The following CDIN1 variants were observed in gnomAD, a reference collection of about 807,000 sequenced individuals.
The protein encoded by CDIN1 is CDAN1 interacting nuclease 1.
In CDIN1, 33 loss-of-function variants were observed where a neutral mutation model predicts 45.3. The ratio of observed to expected loss-of-function variants is 0.73; its 90% CI spans 0.55 to 0.97. CDIN1 has a LOEUF of 0.97. Ranked by LOEUF, CDIN1 falls within the 50% of genes least tolerant of loss-of-function variation. The pLI is 0.00. For missense variants in CDIN1, 303 were observed against 339.4 expected (o/e 0.89, Z 0.84); for synonymous variants, 118 against 124.4 (o/e 0.95, Z 0.34).
At chr15:36,748,022 G>A (rs1442128009) in intron 10 of CDIN1, among the ~76,000 whole-genome samples, 1 of 152,212 alleles carries the variant, frequency 6.6e-6, no homozygotes, top group Non-Finnish European at 1.5e-5. Context: ...CAATATAGCT[G>A]AGTAGAAAGG....
intron 10 of CDIN1, among the ~76,000 whole-genome samples, chr15:36,753,683 C>G (rs541447649): frequency 6.6e-6 from 1 of 150,832 alleles, no homozygotes; most frequent in South Asian, 2.1e-4. Flanking sequence ...GCCAAAGGCA[C>G]CTGTGTTCTC....
chr15:36,589,920 A>G (rs1182281559), intron 1 of CDIN1, among the ~76,000 whole-genome samples: 1 of 152,228 alleles, frequency 6.6e-6, no homozygotes. Flanking sequence ...AAGATGGTAC[A>G]TGCTGATCAC....
intron 10 of CDIN1, among the ~76,000 whole-genome samples, chr15:36,771,585 T>A (rs1387961151): frequency 2.0e-5 from 3 of 152,110 alleles, no homozygotes; most frequent in Non-Finnish European, 4.4e-5. Context: ...CATGGCCAGG[T>A]CTCTGTAGAC....
intron 1 of CDIN1, among the ~76,000 whole-genome samples, chr15:36,608,976 T>A: frequency 6.7e-6 from 1 of 149,440 alleles, no homozygotes; most frequent in Admixed American, 6.7e-5. Context: ...TATGTGTGTA[T>A]ATAGATAGAT....
chr15:36,776,692 T>G (rs939038321), intron 10 of CDIN1, among the ~76,000 whole-genome samples: 8 of 152,180 alleles, frequency 5.3e-5, no homozygotes, highest in Admixed American at 3.9e-4. Flanking sequence ...AATGCAGGTT[T>G]AAAGGAGGAA....
At chr15:36,623,109 A>T (rs888736087) in intron 1 of CDIN1, among the ~76,000 whole-genome samples, 3 of 151,932 alleles carry the variant, frequency 2.0e-5, no homozygotes, top group Non-Finnish European at 4.4e-5. Flanking sequence ...ACAGGATGTG[A>T]ATTTTGTATT....
Position 36,788,095 on chromosome 15 carries a change from TATATATA to T in CDIN1, c.717-20228_717-20222del, listed in dbSNP as rs1566973718. Among the ~76,000 whole-genome samples, 118 of 34,250 alleles carry T rather than the reference TATATATA, an allele frequency of 3.4e-3. 3 individuals carry two copies. The highest frequency in any genetic ancestry group is 0.011 in the African/African-American group (106 of 9,370). 22.5% of individuals were successfully genotyped at this position (34,250 alleles called of 152,430 possible). ...TTATACATATATATATATATATATA[TATATATA>T]TATATTTTTTTTTTTTTTTTTTTTT... On this transcript the variant is annotated intron_variant, in intron 10 of 10. Coordinates refer to ENST00000566621, the MANE Select transcript of CDIN1 (RefSeq NM_001321759.2).
At chr15:36,602,496 GA>G (rs951052188) in intron 1 of CDIN1, among the ~76,000 whole-genome samples, 12 of 152,184 alleles carry the variant, frequency 7.9e-5, no homozygotes, top group Admixed American at 5.2e-4. Context: ...GTTACTAGGT[GA>G]CCATAAATTC....
In CDIN1 at chr15:36,614,088, G is replaced by A. The variant is rs548789489; in HGVS notation, c.102-30190G>A. 15 of 849,340 alleles carry A rather than the reference G, an allele frequency of 1.8e-5. No individual in the cohort carries two copies. In the African/African-American group the frequency reaches 2.3e-4, roughly 13 times the overall value. 52.6% of individuals were successfully genotyped at this position (849,340 alleles called of 1,614,324 possible). ...GAGACCTGTGCTGAGTTTGCTGAGA[G>A]ATCGGTAGCCAAGCTGGAAATGACT... On this transcript the variant is annotated intron_variant, in intron 1 of 10. Transcript: ENST00000566621.
At chr15:36,800,879 ATGTGTGTGTGTGTGTGTGTGTGTG>A (rs1163549097) in intron 10 of CDIN1, among the ~76,000 whole-genome samples, 4 of 82,528 alleles carry the variant, frequency 4.8e-5, no homozygotes, top group African/African-American at 1.2e-4. Flanking sequence ...GTGTGTATAT[ATGTGTGTGTGTGTGTGTGTGTGTG>A]TGTGTGTATA....
At chr15:36,613,750 T>G in intron 1 of CDIN1, 1 of 1,597,418 alleles carries the variant, frequency 6.3e-7, no homozygotes, top group Non-Finnish European at 8.5e-7. Flanking sequence ...GTATGAAGGT[T>G]TTTGAAAACC....
At chr15:36,679,525 C>CAGA (rs1222344477) in intron 5 of CDIN1, among the ~76,000 whole-genome samples, 1 of 152,182 alleles carries the variant, frequency 6.6e-6, no homozygotes, top group Non-Finnish European at 1.5e-5. Context: ...TGATTCTAGA[C>CAGA]TCTGCTCATA....
At chr15:36,711,081 G>A (rs1039764489) in intron 10 of CDIN1, among the ~76,000 whole-genome samples, 6 of 152,120 alleles carry the variant, frequency 3.9e-5, no homozygotes, top group African/African-American at 7.2e-5. Context: ...CTGTTTCAGC[G>A]TTTCCTGTGT....
intron 5 of CDIN1, among the ~76,000 whole-genome samples, chr15:36,663,353 T>C (rs1008640273): frequency 1.3e-5 from 2 of 152,160 alleles, no homozygotes; most frequent in African/African-American, 4.8e-5. Flanking sequence ...TTTATGACAG[T>C]GCTTTTCAAC....
Position 36,585,617 on chromosome 15 carries a change from G to A in CDIN1, c.101+5656G>A, listed in dbSNP as rs1228576448. On this transcript the variant is annotated intron_variant, in intron 1 of 10. Transcript: ENST00000566621. ...CTTCATATGTCTTATTATTGGAGAC[G>A]TTAACCTTATTCACTTGATTAAGGT... is the stretch of plus-strand genomic sequence containing the variant. Among the ~76,000 whole-genome samples, 6 of 152,274 alleles carry A rather than the reference G, an allele frequency of 3.9e-5. No individual in the cohort carries two copies. In the East Asian group the frequency reaches 5.8e-4, roughly 15 times the overall value.
At chr15:36,703,290 A>G (rs1313147698) in intron 8 of CDIN1, among the ~76,000 whole-genome samples, 1 of 110,212 alleles carries the variant, frequency 9.1e-6, no homozygotes, top group Non-Finnish European at 1.8e-5. Context: ...TCAGATATAT[A>G]CATATATCAG....
intron 10 of CDIN1, among the ~76,000 whole-genome samples, chr15:36,721,520 G>T (rs57072362): frequency 0.34 from 51,695 of 151,944 alleles, 10,455 homozygotes; most frequent in African/African-American, 0.57. Context: ...TTAATTGCAT[G>T]GAGATCAGAG....
Position 36,645,294 on chromosome 15 carries a change from C to T in CDIN1, c.212+7C>T. On this transcript the variant is annotated splice_region_variant and intron_variant, in intron 3 of 10. Transcript: ENST00000566621. ...TTGAAAGTTATTACCAGAGGTATGA[C>T]CTTCCTGCCCCACTAGAGGGTATCA... 1.3e-6 allele frequency: 2 copies of T among 1,543,890 alleles called. No individual in the cohort carries two copies. The highest frequency in any genetic ancestry group is 1.2e-5 in the South Asian group (1 of 83,868).
chr15:36,587,392 A>T (rs549892403), intron 1 of CDIN1, among the ~76,000 whole-genome samples: 3,725 of 42,274 alleles, frequency 0.088, 78 homozygotes, highest in South Asian at 0.39. Context: ...TCTTCTTGAA[A>T]TCTCACCTCT....
Sources: gnomAD v4.1 joint callset for allele counts (sites outside exome capture counted in the v4.1 genomes callset) on GRCh38, gnomAD v4.1.1 for gene constraint, MANE v1.5 for transcripts, NCBI Gene and HGNC (gene_info 2026-07-23, HGNC 2026-07-21) for gene names.